VEGFC: variants seen among roughly 807,000 people sequenced by gnomAD.
VEGFC encodes FLT4 ligand DHM.
A neutral mutation model predicts 46.1 loss-of-function variants in VEGFC; 12 were observed. That is an observed-to-expected ratio of 0.26 (90% confidence interval 0.17 to 0.42). VEGFC has a LOEUF of 0.42. VEGFC is among the 10% of genes least tolerant of loss of function. VEGFC has a pLI of 1.00. For synonymous variants in VEGFC, 232 were observed against 195.5 expected (o/e 1.19, Z -1.56); for missense variants, 488 against 529.4 (o/e 0.92, Z 0.77).
chr4:176,772,844 C>T (rs755302870), intron 1 of VEGFC, among the ~76,000 whole-genome samples: 12 of 152,140 alleles, frequency 7.9e-5, no homozygotes, highest in Non-Finnish European at 1.2e-4. Context: ...GCCCTGCAAC[C>T]CTGGACTTTC....
intron 4 of VEGFC, among the ~76,000 whole-genome samples, chr4:176,691,884 G>C (rs990060801): frequency 7.2e-5 from 11 of 152,192 alleles, no homozygotes; most frequent in African/African-American, 2.7e-4. Flanking sequence ...TCCATCTGAG[G>C]TACCGGGTTC....
At chr4:176,686,768 T>C (rs1734049495) in intron 6 of VEGFC, among the ~76,000 whole-genome samples, 1 of 152,190 alleles carries the variant, frequency 6.6e-6, no homozygotes, top group Non-Finnish European at 1.5e-5. Flanking sequence ...GTATTTTCAT[T>C]TCCAGATATA....
At chr4:176,761,773 C>A (rs1200378520) in intron 1 of VEGFC, among the ~76,000 whole-genome samples, 1 of 151,912 alleles carries the variant, frequency 6.6e-6, no homozygotes, top group African/African-American at 2.4e-5. Context: ...TTATAGGACA[C>A]AGAAATAATA....
intron 1 of VEGFC, 33 bp from the exon 2 acceptor site, chr4:176,729,779 C>T: frequency 1.3e-6 from 2 of 1,517,422 alleles, no homozygotes; most frequent in Non-Finnish European, 8.8e-7. Flanking sequence ...CAATGACTTA[C>T]CAGCTTAAGG....
chr4:176,729,239 A>G (rs1297983370), intron 2 of VEGFC, among the ~76,000 whole-genome samples: 4 of 152,232 alleles, frequency 2.6e-5, no homozygotes, highest in Non-Finnish European at 5.9e-5. Flanking sequence ...TTAAACAGAT[A>G]TAGTATGTAA....
chr4:176,787,711 AAATT>A (rs1736027151), intron 1 of VEGFC, among the ~76,000 whole-genome samples: 1 of 152,152 alleles, frequency 6.6e-6, no homozygotes, highest in Admixed American at 6.5e-5. Flanking sequence ...CTGAAAAAAA[AAATT>A]AATCAACCGA....
At chr4:176,684,251 G>A (rs1274133983) in intron 6 of VEGFC, among the ~76,000 whole-genome samples, 2 of 152,208 alleles carry the variant, frequency 1.3e-5, no homozygotes, top group Non-Finnish European at 2.9e-5. Flanking sequence ...AGTCTTGCTT[G>A]CTGATATAAC....
At chr4:176,714,348 C>G (rs1445842116) in intron 3 of VEGFC, among the ~76,000 whole-genome samples, 1 of 152,122 alleles carries the variant, frequency 6.6e-6, no homozygotes, top group African/African-American at 2.4e-5. Flanking sequence ...ACCAGCGCCC[C>G]CTTCCACCAA....
At chr4:176,729,837 A>G in intron 1 of VEGFC, 91 bp from the exon 2 acceptor site, 3 of 866,358 alleles carry the variant, frequency 3.5e-6, no homozygotes, top group Non-Finnish European at 4.8e-6. Flanking sequence ...AATAGTATCT[A>G]TGCTCCGTTC....
At chr4:176,771,943 G>T (rs1159973309) in intron 1 of VEGFC, among the ~76,000 whole-genome samples, 2 of 152,154 alleles carry the variant, frequency 1.3e-5, no homozygotes, top group African/African-American at 4.8e-5. Flanking sequence ...ACACTTGTGT[G>T]AAGAAAAAGA....
intron 1 of VEGFC, among the ~76,000 whole-genome samples, chr4:176,780,248 G>A (rs538332644): frequency 1.7e-3 from 265 of 152,072 alleles, no homozygotes; most frequent in African/African-American, 5.8e-3. Flanking sequence ...TGGCATGGTG[G>A]TGCGTGCCTG....
At chr4:176,711,467 A>T (rs1017173042) in intron 4 of VEGFC, 32 bp downstream of exon 4, 11 of 1,578,346 alleles carry the variant, frequency 7.0e-6, no homozygotes, top group African/African-American at 1.4e-5. Context: ...TTAGTAGAGG[A>T]TGCAGAAAAA....
At chr4:176,723,884 T>C (rs1734832122) in intron 3 of VEGFC, among the ~76,000 whole-genome samples, 1 of 151,184 alleles carries the variant, frequency 6.6e-6, no homozygotes. Context: ...GTTACATAGG[T>C]AAACTTTTAT....
intron 1 of VEGFC, among the ~76,000 whole-genome samples, chr4:176,758,559 T>C (rs900046750): frequency 1.3e-5 from 2 of 152,128 alleles, no homozygotes; most frequent in Non-Finnish European, 2.9e-5. Context: ...ATCTCGATTG[T>C]TGTCAGGGAG....
intron 4 of VEGFC, among the ~76,000 whole-genome samples, chr4:176,700,750 G>A (rs113357528): frequency 4.9e-4 from 74 of 152,290 alleles, no homozygotes; most frequent in African/African-American, 1.7e-3. Flanking sequence ...TTATCAGCTT[G>A]TCACATAATT....
intron 3 of VEGFC, among the ~76,000 whole-genome samples, chr4:176,718,345 A>G (rs1469535464): frequency 6.6e-6 from 1 of 152,172 alleles, no homozygotes; most frequent in Non-Finnish European, 1.5e-5. Flanking sequence ...TGTTTAATTA[A>G]TGGAAGAAAT....
Position 176,692,311 on chromosome 4 carries a change from G to A in VEGFC, c.705-4384C>T, listed in dbSNP as rs1041505895. Reference sequence around the variant, plus strand: ...TGGGAGGCTGAGGCAGGAGAATGGCGTGAACCCGGCAGGCGGAGCTTGCAG... The same window carrying A: ...TGGGAGGCTGAGGCAGGAGAATGGCATGAACCCGGCAGGCGGAGCTTGCAG... On this transcript the variant is annotated intron_variant, in intron 4 of 6. Coordinates refer to ENST00000618562, the MANE Select transcript of VEGFC (RefSeq NM_005429.5). Among the ~76,000 whole-genome samples, 9 of 134,098 alleles carry A rather than the reference G, an allele frequency of 6.7e-5. No individual in the cohort carries two copies. The East Asian group carries it at 1.2e-3, about 18-fold the overall frequency. The allele number at this position is 134,098 out of a possible 152,430, so 88.0% of individuals were successfully genotyped here. A position where few individuals can be genotyped will look rare whatever the true frequency, so the allele number is the denominator to read the frequency against.
chr4:176,708,899 A>T (rs761207867), intron 4 of VEGFC, among the ~76,000 whole-genome samples: 1 of 152,194 alleles, frequency 6.6e-6, no homozygotes, highest in Non-Finnish European at 1.5e-5. Flanking sequence ...TCAGTACTTC[A>T]TTCAATCCTC....
chr4:176,684,643 ATC>A (rs764595159), intron 6 of VEGFC, among the ~76,000 whole-genome samples: 1 of 152,168 alleles, frequency 6.6e-6, no homozygotes, highest in Non-Finnish European at 1.5e-5. Flanking sequence ...CCTTCCTCCC[ATC>A]CTAGACTTCC....
Sources: gnomAD v4.1 joint callset for allele counts (sites outside exome capture counted in the v4.1 genomes callset) on GRCh38, gnomAD v4.1.1 for gene constraint, MANE v1.5 for transcripts, NCBI Gene and HGNC (gene_info 2026-07-23, HGNC 2026-07-21) for gene names.